The following FGD4 variants were observed in gnomAD, a reference collection of about 807,000 sequenced individuals.
FGD4 encodes FYVE, RhoGEF and PH domain-containing protein 4.
In FGD4, 42 loss-of-function variants were observed where a neutral mutation model predicts 102.0. The observed-to-expected ratio is 0.41, with a 90% CI of 0.32 to 0.53. The LOEUF (loss-of-function observed/expected upper bound fraction) is 0.53. Ranked by LOEUF, FGD4 falls within the 20% of genes least tolerant of loss-of-function variation. FGD4 has a pLI of 0.21. For synonymous variants in FGD4, 380 were observed against 375.7 expected (o/e 1.01, Z -0.13); for missense variants, 902 against 1,078.2 (o/e 0.84, Z 2.29).
chr12:32,515,201 C>T (rs73092002), intron 1 of FGD4, among the ~76,000 whole-genome samples: 4 of 152,118 alleles, frequency 2.6e-5, no homozygotes, highest in Admixed American at 6.5e-5. Flanking sequence ...AGAACAGGGA[C>T]TATACCACCT....
intron 4 of FGD4, among the ~76,000 whole-genome samples, chr12:32,585,860 A>AAAAAAG (rs1491469243): frequency 6.9e-6 from 1 of 145,276 alleles, no homozygotes; most frequent in African/African-American, 2.5e-5. Flanking sequence ...AAAAAAAAAA[A>AAAAAAG]GGGAAATGCA....
At chr12:32,619,175 G>A (rs1949639559) in intron 10 of FGD4, among the ~76,000 whole-genome samples, 1 of 152,134 alleles carries the variant, frequency 6.6e-6, no homozygotes, top group Non-Finnish European at 1.5e-5. Flanking sequence ...AATAAAATAT[G>A]TATAAGCCAT....
intron 1 of FGD4, among the ~76,000 whole-genome samples, chr12:32,508,821 C>A (rs1422650590): frequency 6.6e-6 from 1 of 152,250 alleles, no homozygotes; most frequent in Admixed American, 6.5e-5. Flanking sequence ...GCAGCAGGTT[C>A]ATGATTTCTG....
At chr12:32,606,981 A>G (rs1199144364) in intron 7 of FGD4, among the ~76,000 whole-genome samples, 1 of 152,228 alleles carries the variant, frequency 6.6e-6, no homozygotes, top group African/African-American at 2.4e-5. Flanking sequence ...TTTTAAGTTC[A>G]AAGGCAATGA....
chr12:32,502,013 T>TGC (rs1487995873), intron 1 of FGD4: 1 of 985,202 alleles, frequency 1.0e-6, no homozygotes, highest in African/African-American at 1.7e-5. Context: ...AGTGGCTATA[T>TGC]ATGTTCCTTC....
chr12:32,583,369 A>C (rs1252273207), intron 4 of FGD4, among the ~76,000 whole-genome samples: 1 of 152,160 alleles, frequency 6.6e-6, no homozygotes, highest in Admixed American at 6.5e-5. Context: ...TTAGTTTAGC[A>C]ATTCATTTAT....
In FGD4 at chr12:32,415,414, C is replaced by CT. The variant is rs34612851; in HGVS notation, c.166+15481dup. Among the ~76,000 whole-genome samples the CT allele has an allele frequency of 5.2e-3, 462 of 89,632 alleles. 31 individuals are homozygous for CT. The highest frequency in any genetic ancestry group is 0.013 in the South Asian group (33 of 2,456). The allele number at this position is 89,632 out of a possible 152,430, so 58.8% of individuals were successfully genotyped here. ...TATTACTGTATTGGGATCTGTCTCT[C>CT]TTTTTTTTTTTTTTTTTTTTTTTTT... On this transcript the variant is annotated intron_variant, in intron 1 of 16. Transcript: ENST00000534526.
At chr12:32,597,676 G>A (rs1233610097) in intron 4 of FGD4, among the ~76,000 whole-genome samples, 2 of 152,198 alleles carry the variant, frequency 1.3e-5, no homozygotes, top group African/African-American at 2.4e-5. Flanking sequence ...CATGAAACTG[G>A]CAGAGTTATA....
intron 9 of FGD4, 31 bp downstream of exon 9, chr12:32,610,865 C>T: frequency 6.2e-7 from 1 of 1,602,068 alleles, no homozygotes; most frequent in Non-Finnish European, 8.6e-7. Flanking sequence ...ACAGGAACCT[C>T]TGATTAGACA....
At chr12:32,512,939 C>T (rs999611384) in intron 1 of FGD4, among the ~76,000 whole-genome samples, 1 of 152,140 alleles carries the variant, frequency 6.6e-6, no homozygotes, top group Non-Finnish European at 1.5e-5. Flanking sequence ...ATGGAGTCTC[C>T]TCACATCAAA....
chr12:32,529,958 G>T (rs1366632064), intron 1 of FGD4, among the ~76,000 whole-genome samples: 1 of 151,308 alleles, frequency 6.6e-6, no homozygotes, highest in Non-Finnish European at 1.5e-5. Context: ...AAATAAAAAT[G>T]CTAAGGCAAA....
rs1565936191 is a variant in FGD4 at position 32,636,071 on chromosome 12, T to A, written c.2313+2382T>A. On this transcript the variant is annotated intron_variant, in intron 15 of 16. Coordinates refer to ENST00000534526, the MANE Select transcript of FGD4 (RefSeq NM_001370298.3). ...GATCTACTAATAAGAATGGAATTCT[T>A]TGGGGGAGGATAACCATTCACTTAA... Among the ~76,000 whole-genome samples the A allele has an allele frequency of 4.6e-5, 7 of 151,344 alleles. No homozygotes were observed. In the East Asian group the frequency reaches 9.7e-4, roughly 21 times the overall value.
chr12:32,422,068 C>T (rs973575885), intron 1 of FGD4, among the ~76,000 whole-genome samples: 5 of 149,760 alleles, frequency 3.3e-5, no homozygotes, highest in Admixed American at 1.3e-4. Flanking sequence ...GGCGTGAACC[C>T]GGGAGGCTGA....
At chr12:32,425,394 G>A (rs1033767872) in intron 1 of FGD4, among the ~76,000 whole-genome samples, 18 of 152,056 alleles carry the variant, frequency 1.2e-4, no homozygotes, top group Admixed American at 7.2e-4. Context: ...GGTGTGTGGC[G>A]TTATTTCTGA....
chr12:32,474,494 C>G (rs1156348175), intron 1 of FGD4, among the ~76,000 whole-genome samples: 1 of 152,148 alleles, frequency 6.6e-6, no homozygotes, highest in African/African-American at 2.4e-5. Context: ...TCACAAAAGA[C>G]CATGTGTTGT....
At chr12:32,571,471 AAAAG>A (rs1231231042) in intron 2 of FGD4, among the ~76,000 whole-genome samples, 1 of 152,104 alleles carries the variant, frequency 6.6e-6, no homozygotes, top group African/African-American at 2.4e-5. Flanking sequence ...AAAAAAGAAA[AAAAG>A]AGTTGAATGT....
intron 1 of FGD4, among the ~76,000 whole-genome samples, chr12:32,476,033 T>C (rs1221258962): frequency 6.6e-6 from 1 of 152,192 alleles, no homozygotes; most frequent in African/African-American, 2.4e-5. Context: ...ACATTCTTCT[T>C]GGAATTCTCC....
At chr12:32,613,545 G>A (rs973328681) in intron 10 of FGD4, among the ~76,000 whole-genome samples, 6 of 152,092 alleles carry the variant, frequency 3.9e-5, no homozygotes, top group Non-Finnish European at 8.8e-5. Flanking sequence ...TTGAGCTTAG[G>A]AGTTCAAGAC....
intron 10 of FGD4, among the ~76,000 whole-genome samples, chr12:32,614,891 A>G (rs1727819814): frequency 6.6e-6 from 1 of 152,222 alleles, no homozygotes; most frequent in Admixed American, 6.5e-5. Flanking sequence ...ATTTTTCCAC[A>G]AACTTTTAAA....
Sources: allele counts gnomAD v4.1 joint callset (sites outside exome capture counted in the v4.1 genomes callset), GRCh38; gene constraint gnomAD v4.1.1; transcripts MANE v1.5; gene names NCBI Gene and HGNC (gene_info 2026-07-23, HGNC 2026-07-21).